SOCS5: variants seen among roughly 807,000 people sequenced by gnomAD.
The protein encoded by SOCS5 is suppressor of cytokine signaling 5.
A neutral mutation model predicts 42.8 loss-of-function variants in SOCS5; 32 were observed. The ratio of observed to expected loss-of-function variants is 0.75; its 90% CI spans 0.56 to 1.01. SOCS5 has a LOEUF of 1.01. Ranked by LOEUF, SOCS5 falls within the 50% of genes least tolerant of loss-of-function variation. SOCS5 has a pLI of 0.00. For synonymous variants in SOCS5, 283 were observed against 229.6 expected, an observed-to-expected ratio of 1.23 and a Z score of -2.10; for missense variants, 627 against 653.0, an observed-to-expected ratio of 0.96 and a Z score of 0.43.
chr2:46,719,528 A>T (rs1490323189), intron 1 of SOCS5, among the ~76,000 whole-genome samples: 5 of 152,098 alleles, frequency 3.3e-5, no homozygotes, highest in Non-Finnish European at 7.4e-5. Flanking sequence ...GTTCCTGCCC[A>T]CTTCCTTGCA....
At chr2:46,755,233 T>C (rs960219144) in intron 1 of SOCS5, among the ~76,000 whole-genome samples, 2 of 152,202 alleles carry the variant, frequency 1.3e-5, no homozygotes, top group Non-Finnish European at 2.9e-5. Context: ...TAGTTCTCTC[T>C]CAATGTATTC....
chr2:46,704,716 C>T (rs1179970487), intron 1 of SOCS5, among the ~76,000 whole-genome samples: 1 of 152,150 alleles, frequency 6.6e-6, no homozygotes, highest in Non-Finnish European at 1.5e-5. Flanking sequence ...GCCTCTTATC[C>T]TTGGTTCCTG....
At chr2:46,743,305 T>A (rs552485579) in intron 1 of SOCS5, among the ~76,000 whole-genome samples, 1 of 152,294 alleles carries the variant, frequency 6.6e-6, no homozygotes, top group African/African-American at 2.4e-5. Context: ...AAAGAATGGC[T>A]CTTCCATAGA....
intron 1 of SOCS5, among the ~76,000 whole-genome samples, chr2:46,743,473 G>T (rs1280884490): frequency 1.3e-5 from 2 of 152,178 alleles, no homozygotes; most frequent in Non-Finnish European, 2.9e-5. Context: ...TGGTGGGAGT[G>T]TAACAGTGAG....
In SOCS5 at chr2:46,753,981, A is replaced by G. The variant is rs145373824; in HGVS notation, c.-12-4538A>G. The stretch of plus-strand genomic sequence containing the variant: ...GGTTTTAACTGGCTTCTTTAACACA[A>G]TCTGTGTTTTATCAAGGGTCTTTGT... On this transcript the variant is annotated intron_variant, in intron 1 of 1. Transcript: ENST00000394861. Among the ~76,000 whole-genome samples the G allele has an allele frequency of 4.9e-3, 742 of 152,234 alleles. 6 individuals carry two copies. Among genetic ancestry groups the G allele is most frequent in the Admixed American group, 9.9e-3 (152 of 15,282 alleles).
chr2:46,727,144 C>CTTTTTTTTTTTTTTTTTTTTTTTT, intron 1 of SOCS5, among the ~76,000 whole-genome samples: 1 of 86,412 alleles, frequency 1.2e-5, no homozygotes, highest in Non-Finnish European at 2.2e-5. Context: ...TTGGAGCCTT[C>CTTTTTTTTTTTTTTTTTTTTTTTT]TTTTTTTTTT....
intron 1 of SOCS5, among the ~76,000 whole-genome samples, chr2:46,710,216 G>A (rs375236491): frequency 2.6e-5 from 4 of 151,958 alleles, no homozygotes; most frequent in Non-Finnish European, 4.4e-5. Flanking sequence ...GCGCAATCTC[G>A]GCTCACTGCA....
intron 1 of SOCS5, among the ~76,000 whole-genome samples, chr2:46,700,541 A>G (rs112922485): frequency 6.6e-6 from 1 of 152,242 alleles, no homozygotes. Context: ...TCTCTACAAG[A>G]TGATGCAAAA....
rs2103766902 is a variant in SOCS5, at chr2:46,759,485, C to G, written c.955C>G (p.Gln319Glu). Reference sequence around the variant, plus strand: ...AAGTGGGGACAGTTCTGCAATTCCACAAGCTAATTGTGACTCGGAAGAGGA... The same window carrying G: ...AAGTGGGGACAGTTCTGCAATTCCAGAAGCTAATTGTGACTCGGAAGAGGA... Reference protein sequence around the residue: ...EISGDSSAIPQANCDSEEDTT... With the variant: ...EISGDSSAIPEANCDSEEDTT... Residue 319 changes from glutamine to glutamate, a missense_variant, in exon 2 of 2, where the codon CAA becomes GAA. Around this residue, in one of 3 missense-constraint regions of SOCS5, gnomAD observed 340 missense variants for 367.6 expected, o/e 0.92. Coordinates refer to ENST00000394861, the MANE Select transcript of SOCS5 (RefSeq NM_144949.3). 1 of 1,614,000 alleles carries G rather than the reference C, an allele frequency of 6.2e-7. No individual in the cohort carries two copies. The highest frequency in any genetic ancestry group is 2.2e-5 in the East Asian group (1 of 44,882).
intron 1 of SOCS5, among the ~76,000 whole-genome samples, chr2:46,715,698 A>G (rs1672722943): frequency 6.6e-6 from 1 of 152,062 alleles, no homozygotes. Flanking sequence ...TCTGTATATA[A>G]TATGTTTTTT....
intron 1 of SOCS5, among the ~76,000 whole-genome samples, chr2:46,744,708 A>G (rs747102367): frequency 1.3e-5 from 2 of 151,686 alleles, no homozygotes; most frequent in Non-Finnish European, 2.9e-5. Context: ...TTGTATTTTT[A>G]GTAGAAACGG....
intron 1 of SOCS5, among the ~76,000 whole-genome samples, chr2:46,700,070 C>T (rs1444207428): frequency 1.3e-5 from 2 of 152,132 alleles, no homozygotes; most frequent in Admixed American, 1.3e-4. Flanking sequence ...ACTACTTGGG[C>T]TCCTAAGAGT....
intron 1 of SOCS5, among the ~76,000 whole-genome samples, chr2:46,733,506 G>C (rs1203354502): frequency 6.7e-6 from 1 of 149,554 alleles, no homozygotes; most frequent in Admixed American, 6.7e-5. Flanking sequence ...CCAGGAGGTC[G>C]AGGCTGCAGT....
intron 1 of SOCS5, among the ~76,000 whole-genome samples, chr2:46,714,834 G>C (rs1672703122): frequency 6.6e-6 from 1 of 152,082 alleles, no homozygotes; most frequent in Non-Finnish European, 1.5e-5. Context: ...CCTGTTTTTG[G>C]ATGGATTATT....
chr2:46,708,322 G>A (rs1057462941), intron 1 of SOCS5, among the ~76,000 whole-genome samples: 7 of 152,134 alleles, frequency 4.6e-5, no homozygotes, highest in Non-Finnish European at 8.8e-5. Context: ...TCCTGGCTTG[G>A]CAATAGAATA....
At chr2:46,726,040 T>C (rs1672982759) in intron 1 of SOCS5, among the ~76,000 whole-genome samples, 1 of 152,196 alleles carries the variant, frequency 6.6e-6, no homozygotes, top group Admixed American at 6.5e-5. Context: ...TTTTATTTTT[T>C]ACCTGTTTGA....
chr2:46,741,546 A>AG (rs1673376432), intron 1 of SOCS5, among the ~76,000 whole-genome samples: 1 of 152,222 alleles, frequency 6.6e-6, no homozygotes, highest in Non-Finnish European at 1.5e-5. Context: ...AAGAAAAAAA[A>AG]TGAAATTACA....
chr2:46,721,817 A>G (rs1672890593), intron 1 of SOCS5, among the ~76,000 whole-genome samples: 1 of 152,080 alleles, frequency 6.6e-6, no homozygotes, highest in Non-Finnish European at 1.5e-5. Context: ...CCTTCTTAGG[A>G]TGGTTTTACA....
chr2:46,745,133 A>T (rs1264532873), intron 1 of SOCS5, among the ~76,000 whole-genome samples: 1 of 152,084 alleles, frequency 6.6e-6, no homozygotes, highest in Non-Finnish European at 1.5e-5. Context: ...AGAATGTCTT[A>T]AGAATTTTGG....
Sources: gnomAD v4.1 joint callset for allele counts (sites outside exome capture counted in the v4.1 genomes callset) on GRCh38, gnomAD v4.1.1 for gene constraint, gnomAD v4.1.1 regional missense constraint, MANE v1.5 for transcripts, NCBI Gene and HGNC (gene_info 2026-07-23, HGNC 2026-07-21) for gene names.